The following FAM193A variants were observed in gnomAD, a reference collection of about 807,000 sequenced individuals.
FAM193A encodes the protein protein FAM193A.
In FAM193A, 22 loss-of-function variants were observed where a neutral mutation model predicts 126.5. The ratio of observed to expected loss-of-function variants is 0.17; its 90% CI spans 0.12 to 0.25. The LOEUF is 0.25. Ranked by LOEUF, FAM193A falls within the 10% of genes least tolerant of loss-of-function variation. FAM193A has a pLI of 1.00. For synonymous variants in FAM193A, 761 were observed against 646.8 expected, an observed-to-expected ratio of 1.18 and a Z score of -2.68; for missense variants, 1,675 against 1,672.8, an observed-to-expected ratio of 1.00 and a Z score of -0.02.
intron 1 of FAM193A, among the ~76,000 whole-genome samples, chr4:2,566,296 C>T (rs1738945646): frequency 6.6e-6 from 1 of 152,212 alleles, no homozygotes; most frequent in African/African-American, 2.4e-5. Flanking sequence ...ATCTGCCCAC[C>T]TTGGCCTCCC....
chr4:2,662,705 A>T (rs575671903), intron 10 of FAM193A, 133 bp from the exon 11 acceptor site: 46 of 564,628 alleles, frequency 8.1e-5, no homozygotes, highest in African/African-American at 8.0e-4. Flanking sequence ...TAGTGGTAGG[A>T]ATGATACTTA....
chr4:2,693,691 C>A lies in FAM193A; in HGVS notation c.2909C>A (p.Ala970Asp), dbSNP rs764198441. The change falls in exon 16 of 21, where the codon GCT becomes GAT. Residue 970 changes from alanine to aspartate, a missense_variant. Around this residue, in one of 4 missense-constraint regions of FAM193A, gnomAD observed 1,186 missense variants for 1,109.2 expected, o/e 1.07. Transcript: ENST00000637812. ...GLAPLPALSP[A>D]ALSPAALSPA... The stretch of plus-strand genomic sequence containing the variant: ...GCCCCCCTCCCAGCGCTCTCGCCTG[C>A]TGCGCTGTCACCTGCTGCGCTCTCA... 5 of 1,614,222 alleles carry A rather than the reference C, an allele frequency of 3.1e-6. No individual in the cohort carries two copies. The East Asian group carries it at 1.1e-4, about 36-fold the overall frequency.
At chr4:2,576,150 G>A (rs1396736070) in intron 1 of FAM193A, among the ~76,000 whole-genome samples, 2 of 152,138 alleles carry the variant, frequency 1.3e-5, no homozygotes, top group Admixed American at 1.3e-4. Context: ...GGGCTGCAGT[G>A]CAGTGGCACG....
chr4:2,555,963 G>A (rs1236197561), intron 1 of FAM193A, among the ~76,000 whole-genome samples: 1 of 150,634 alleles, frequency 6.6e-6, no homozygotes, highest in Non-Finnish European at 1.5e-5. Flanking sequence ...GGAGTGCCAT[G>A]GCCTGATCTC....
At chr4:2,603,437 A>G (rs1287067210) in intron 2 of FAM193A, among the ~76,000 whole-genome samples, 2 of 143,764 alleles carry the variant, frequency 1.4e-5, no homozygotes, top group South Asian at 4.4e-4. Context: ...GGTATGCACT[A>G]CCACGCCCAG....
intron 1 of FAM193A, among the ~76,000 whole-genome samples, chr4:2,542,108 T>G (rs937275835): frequency 1.3e-5 from 2 of 151,868 alleles, no homozygotes; most frequent in African/African-American, 4.8e-5. Flanking sequence ...CTCCGCCTCC[T>G]GGGTTCAAGT....
At chr4:2,588,072 G>A (rs1282232229) in intron 1 of FAM193A, among the ~76,000 whole-genome samples, 2 of 152,066 alleles carry the variant, frequency 1.3e-5, no homozygotes, top group Non-Finnish European at 2.9e-5. Context: ...AAGATTGCTG[G>A]TGCTCACACC....
At chr4:2,602,417 T>G (rs1560473190) in intron 2 of FAM193A, among the ~76,000 whole-genome samples, 1 of 149,092 alleles carries the variant, frequency 6.7e-6, no homozygotes, top group Admixed American at 6.7e-5. Context: ...TGCAGTTGTG[T>G]GATCTCGGCT....
intron 7 of FAM193A, among the ~76,000 whole-genome samples, chr4:2,655,868 A>G (rs1260180753): frequency 1.3e-5 from 2 of 152,166 alleles, no homozygotes; most frequent in African/African-American, 2.4e-5. Context: ...GGTTGAGGCT[A>G]CAGTAAGTTG....
intron 1 of FAM193A, among the ~76,000 whole-genome samples, chr4:2,572,165 CAAAA>C (rs66899515): frequency 3.7e-5 from 4 of 108,310 alleles, no homozygotes; most frequent in Non-Finnish European, 5.9e-5. Flanking sequence ...CCTCTGTGTC[CAAAA>C]AAAAAAAAAA....
At chr4:2,667,701 C>T (rs1297783236) in intron 12 of FAM193A, among the ~76,000 whole-genome samples, 2 of 152,088 alleles carry the variant, frequency 1.3e-5, no homozygotes, top group Non-Finnish European at 2.9e-5. Context: ...TGTCTAACAT[C>T]TTTTAGTTGG....
intron 1 of FAM193A, among the ~76,000 whole-genome samples, chr4:2,552,272 A>T (rs1218956063): frequency 6.6e-6 from 1 of 150,952 alleles, no homozygotes; most frequent in Non-Finnish European, 1.5e-5. Flanking sequence ...CGGCCTCCCA[A>T]AGTGCTGGGA....
At position 2,631,019 on chromosome 4, in the gene FAM193A, G is replaced by A. The variant is rs1216920460; in HGVS notation, c.888G>A (p.Leu296=). The A allele has an allele frequency of 6.2e-7, 1 of 1,613,634 alleles. No individual in the cohort carries two copies. The highest frequency in any genetic ancestry group is 1.1e-5 in the South Asian group (1 of 91,070). ...ATGTGCTGGAGATGAAGGTCCGCCT[G>A]CTCCGGCAGCTGTCGGCTGCGGCCA... The part of the protein sequence containing the change: ...REYVLEMKVR[L]LRQLSAAAKV... The change falls in exon 5 of 21, where the codon CTG becomes CTA. Residue 296 remains leucine, a synonymous_variant. Transcript: ENST00000637812.
At chr4:2,540,904 T>G (rs1258152462) in intron 1 of FAM193A, among the ~76,000 whole-genome samples, 1 of 149,024 alleles carries the variant, frequency 6.7e-6, no homozygotes, top group Non-Finnish European at 1.5e-5. Context: ...GAGGTTGCAG[T>G]GAGCCCAGAT....
chr4:2,551,093 G>C (rs1435237165), intron 1 of FAM193A, among the ~76,000 whole-genome samples: 1 of 151,980 alleles, frequency 6.6e-6, no homozygotes, highest in Non-Finnish European at 1.5e-5. Context: ...AGCCCTGCCT[G>C]GTCATTTATT....
At chr4:2,584,970 A>G (rs1469689744) in intron 1 of FAM193A, among the ~76,000 whole-genome samples, 1 of 152,140 alleles carries the variant, frequency 6.6e-6, no homozygotes, top group African/African-American at 2.4e-5. Context: ...TCCCAACACT[A>G]TAGTTTTGCC....
chr4:2,608,345 A>G (rs1051831427), intron 2 of FAM193A, among the ~76,000 whole-genome samples: 2 of 151,898 alleles, frequency 1.3e-5, no homozygotes, highest in African/African-American at 4.8e-5. Flanking sequence ...TGCCTGGCTA[A>G]TTTTTTTATT....
chr4:2,670,952 G>C (rs888780006), intron 12 of FAM193A, among the ~76,000 whole-genome samples: 3 of 152,170 alleles, frequency 2.0e-5, no homozygotes, highest in Non-Finnish European at 4.4e-5. Context: ...TTATGTGGCT[G>C]TGGGTGTCTC....
At chr4:2,580,944 A>G (rs1335670975) in intron 1 of FAM193A, among the ~76,000 whole-genome samples, 3 of 152,230 alleles carry the variant, frequency 2.0e-5, no homozygotes, top group Middle Eastern at 6.8e-3. Context: ...CCTGGCTAAC[A>G]CGGTGAAACC....
Sources: allele counts gnomAD v4.1 joint callset (sites outside exome capture counted in the v4.1 genomes callset), GRCh38; gene constraint gnomAD v4.1.1; regional missense constraint gnomAD v4.1.1; transcripts MANE v1.5; gene names NCBI Gene and HGNC (gene_info 2026-07-23, HGNC 2026-07-21).